Variants in PIEZO1 observed in about 807,000 individuals in gnomAD.
PIEZO1 encodes piezo type mechanosensitive ion channel component 1 (Er blood group).
Under a neutral mutation model 297.2 loss-of-function variants are expected in PIEZO1, and 296 were observed. The ratio of observed to expected loss-of-function variants is 1.00; its 90% CI spans 0.91 to 1.10. PIEZO1 has a LOEUF of 1.10. Ranked by LOEUF, PIEZO1 falls within the 50% of genes least tolerant of loss-of-function variation. The pLI, the probability that PIEZO1 is intolerant of heterozygous loss-of-function variation, is 0.00. For missense variants in PIEZO1, 5,018 were observed against 3,455.5 expected (o/e 1.45, Z -11.34); for synonymous variants, 2,427 against 1,507.5 (o/e 1.61, Z -14.13).
rs978666250 is a variant in PIEZO1, at chr16:88,725,968, G to A, written c.3969-284C>T. ...GGCCCCAAGCCAGAACCCCTCCCTG[G>A]GGCAGTCGTGACACCACACAGTGGC... On this transcript the variant is annotated intron_variant, in intron 27 of 50. Transcript: ENST00000301015. The A allele has an allele frequency of 5.3e-6, 3 of 566,680 alleles. No homozygotes were observed. In the African/African-American group the frequency reaches 5.6e-5, roughly 11 times the overall value. The allele number at this position is 566,680 out of a possible 1,614,324, so 35.1% of individuals were successfully genotyped here.
chr16:88,727,537 G>T lies in PIEZO1; in HGVS notation c.3301+20C>A. ...CTCTGAGGGTCCTCTGCAGAGGCGG[G>T]GGTGGTGGGGGGCACTCACTGATGA... On this transcript the variant is annotated intron_variant, in intron 23 of 50. Transcript: ENST00000301015. 1.0e-6 allele frequency: 1 copy of T among 987,302 alleles called. No homozygotes were observed. Among genetic ancestry groups the T allele is most frequent in the Non-Finnish European group, 1.5e-6 (1 of 654,968 alleles). The allele number at this position is 987,302 out of a possible 1,614,324, so 61.2% of individuals were successfully genotyped here. A position where few individuals can be genotyped will look rare whatever the true frequency, so the allele number is the denominator to read the frequency against.
At chr16:88,730,166 C>A (rs1025272643) in intron 22 of PIEZO1, among the ~76,000 whole-genome samples, 2 of 152,256 alleles carry the variant, frequency 1.3e-5, no homozygotes, top group African/African-American at 2.4e-5. Flanking sequence ...TAGCAACAGG[C>A]ACACCCAGCG....
Position 88,738,691 on chromosome 16 carries a change from GC to G in PIEZO1, c.510del (p.Gln171ArgfsTer35). 6.5e-7 allele frequency: 1 copy of G among 1,534,406 alleles called. No homozygotes were observed. Among genetic ancestry groups the G allele is most frequent in the Middle Eastern group, 1.7e-4 (1 of 5,986 alleles). Reference sequence around the variant, plus strand: ...GTAGGGGCCAGCGTTGCTGCTTCCTGCAGCCCTGCCGTCGGGCTGGCATCCA... The same window carrying G: ...GTAGGGGCCAGCGTTGCTGCTTCCTGAGCCCTGCCGTCGGGCTGGCATCCA... The part of the protein sequence containing the change: ...RDVDASPTAG[L>X]QEAATLAPTR... On this transcript the variant is annotated frameshift_variant, in exon 6 of 51. Coordinates refer to ENST00000301015, the MANE Select transcript of PIEZO1 (RefSeq NM_001142864.4). LOFTEE classifies it high-confidence loss of function.
At chr16:88,742,235 C>T in intron 3 of PIEZO1, 65 bp downstream of exon 3, 1 of 1,502,528 alleles carries the variant, frequency 6.7e-7, no homozygotes, top group Non-Finnish European at 8.9e-7. Flanking sequence ...GACTCGGGGT[C>T]ACTGCAGGGC....
At position 88,720,176 on chromosome 16, in the gene PIEZO1, G is replaced by A. The variant is rs767748268; in HGVS notation, c.6057C>T (p.Arg2019=). The A allele has an allele frequency of 1.5e-5, 24 of 1,550,406 alleles. No individual in the cohort carries two copies. Among genetic ancestry groups the A allele is most frequent in the African/African-American group, 1.4e-4 (10 of 73,060 alleles). The change falls in exon 42 of 51, where the codon CGC becomes CGT. Residue 2019 remains arginine (R), a synonymous_variant. Coordinates refer to ENST00000301015, the MANE Select transcript of PIEZO1 (RefSeq NM_001142864.4). ...GCACGGTCTTGCGCAGGTAGAGGGC[G>A]CGGTCAACCACCATGGTACTGAACT... ...LIQFSTMVVD[R]ALYLRKTVLG...
intron 1 of PIEZO1, among the ~76,000 whole-genome samples, chr16:88,768,926 G>A (rs1369047007): frequency 6.6e-6 from 1 of 152,218 alleles, no homozygotes; most frequent in South Asian, 2.1e-4. Context: ...ATGCACCTTG[G>A]CAAAGCAAGC....
intron 16 of PIEZO1, 109 bp from the exon 17 acceptor site, chr16:88,734,163 G>C (rs961476596): frequency 1.5e-6 from 2 of 1,358,424 alleles, no homozygotes; most frequent in East Asian, 2.5e-5. Context: ...GCCAGTTCAG[G>C]TGCACAGCTG....
chr16:88,750,155 T>C (rs1371673731), intron 1 of PIEZO1, among the ~76,000 whole-genome samples: 2 of 151,016 alleles, frequency 1.3e-5, no homozygotes, highest in African/African-American at 4.9e-5. Flanking sequence ...GCCAATATGG[T>C]GAATCCCTGT....
At position 88,731,905 on chromosome 16, in the gene PIEZO1, G is replaced by A. The variant is rs1567669859; in HGVS notation, c.2997C>T (p.Cys999=). Residue 999 remains cysteine, a synonymous_variant, in exon 22 of 51, where the codon TGC becomes TGT. Coordinates refer to ENST00000301015, the MANE Select transcript of PIEZO1 (RefSeq NM_001142864.4). ...FFFYKFGLEI[C]FLMAVNVIGQ... ...CGATCACGTTCACGGCCATCAGGAA[G>A]CAGATCTGGGGAGGGGAGAGGGCGG... 1.9e-6 allele frequency: 2 copies of A among 1,073,636 alleles called. No individual in the cohort carries two copies. Among genetic ancestry groups the A allele is most frequent in the Non-Finnish European group, 2.4e-6 (2 of 840,200 alleles). The allele number at this position is 1,073,636 out of a possible 1,614,324, so 66.5% of individuals were successfully genotyped here.
At chr16:88,725,329 G>A (rs1459310355) in intron 29 of PIEZO1, 87 bp downstream of exon 29, 14 of 877,008 alleles carry the variant, frequency 1.6e-5, no homozygotes, top group East Asian at 5.6e-5. Context: ...CCTGTGGGAC[G>A]TCACATGGGC....
At position 88,722,376 on chromosome 16, in the gene PIEZO1, T is replaced by A. The variant is rs757960969; in HGVS notation, c.4797A>T (p.Pro1599=). Residue 1599 remains proline (P), a synonymous_variant, in exon 36 of 51, where the codon CCA becomes CCT. Transcript: ENST00000301015. ...TVSSGLGAEE[P]LSSMTDDMGS... The stretch of plus-strand genomic sequence containing the variant: ...CCATGTCGTCTGTCATGCTGCTGAG[T>A]GGCTCCTCCGCGCCCAGCCCACTGG... 2.6e-5 allele frequency: 39 copies of A among 1,516,210 alleles called. No homozygotes were observed. Among genetic ancestry groups the A allele is most frequent in the Non-Finnish European group, 3.5e-5 (39 of 1,128,660 alleles). 93.9% of individuals were successfully genotyped at this position (1,516,210 alleles called of 1,614,324 possible).
intron 1 of PIEZO1, among the ~76,000 whole-genome samples, chr16:88,757,057 CAG>C (rs900304551): frequency 1.3e-5 from 2 of 152,124 alleles, no homozygotes; most frequent in African/African-American, 4.8e-5. Context: ...GCCTGGGCGA[CAG>C]AGCGAGACTC....
Position 88,715,618 on chromosome 16 carries a change from C to G in PIEZO1, c.7553G>C (p.Arg2518Pro), listed in dbSNP as rs774268616. Residue 2518 changes from arginine (R) to proline (P), a missense_variant, in exon 51 of 51, where the codon CGT becomes CCT. Physicochemically the swap from Arg to Pro is moderately radical, Grantham distance 103. Coordinates refer to ENST00000301015, the MANE Select transcript of PIEZO1 (RefSeq NM_001142864.4). ...CAGCAGCAGCTCCTACTCCTTCTCA[C>G]GAGTCCACTTGATCATGGTCTCCGG... ...RSPETMIKWT[R>P]EKE 60 of 1,549,824 alleles carry G rather than the reference C, an allele frequency of 3.9e-5. 1 individual carries two copies. The highest frequency in any genetic ancestry group is 3.1e-4 in the South Asian group (26 of 84,064).
intron 1 of PIEZO1, among the ~76,000 whole-genome samples, chr16:88,770,777 C>A (rs1027184948): frequency 1.3e-5 from 2 of 152,232 alleles, no homozygotes; most frequent in Admixed American, 1.3e-4. Flanking sequence ...CCGGGCCAGG[C>A]GTCCTCCACT....
rs1460256825 is a variant in PIEZO1 at position 88,717,450 on chromosome 16, GACA to G, written c.6472-242_6472-240del. 17 of 627,910 alleles carry G rather than the reference GACA, an allele frequency of 2.7e-5. No homozygotes were observed. In the Admixed American group the frequency reaches 3.0e-4, roughly 11 times the overall value. 38.9% of individuals were successfully genotyped at this position (627,910 alleles called of 1,614,324 possible). The stretch of plus-strand genomic sequence containing the variant: ...GAGCTGTGACCGTTCAGTGGGAACG[GACA>G]ACCTTTTTCAACACGGTGCAGGCAC... On this transcript the variant is annotated intron_variant, in intron 44 of 50. Coordinates refer to ENST00000301015, the MANE Select transcript of PIEZO1 (RefSeq NM_001142864.4).
At chr16:88,763,186 A>T (rs913714924) in intron 1 of PIEZO1, among the ~76,000 whole-genome samples, 33 of 152,148 alleles carry the variant, frequency 2.2e-4, no homozygotes, top group African/African-American at 8.0e-4. Context: ...TAGGGATGAG[A>T]CGCAGGGCCG....
At chr16:88,741,409 C>A (rs1461318859) in intron 5 of PIEZO1, 69 bp downstream of exon 5, 8 of 1,330,948 alleles carry the variant, frequency 6.0e-6, no homozygotes, top group Non-Finnish European at 7.1e-6. Flanking sequence ...TTAAAATAAC[C>A]CTCAAAATGG....
Position 88,717,076 on chromosome 16 carries a change from C to G in PIEZO1, c.6607G>C (p.Val2203Leu). The change falls in exon 45 of 51, where the codon GTT (valine) becomes CTT (leucine). Residue 2203 changes from valine to leucine, a missense_variant. Val to Leu is a conservative substitution (Grantham distance 32, BLOSUM62 1). Transcript: ENST00000301015. ...FMSLVRSVVG[V>L]VNQPIDVTVT... Reference sequence around the variant, plus strand: ...GTGACATCGATGGGCTGGTTGACAACCCCAACCACGGAGCGCACCAGCGAC... The same window carrying G: ...GTGACATCGATGGGCTGGTTGACAAGCCCAACCACGGAGCGCACCAGCGAC... The G allele has an allele frequency of 6.4e-7, 1 of 1,551,018 alleles. No individual in the cohort carries two copies. The highest frequency in any genetic ancestry group is 8.7e-7 in the Non-Finnish European group (1 of 1,147,040).
intron 1 of PIEZO1, among the ~76,000 whole-genome samples, chr16:88,754,537 G>A (rs1253723080): frequency 6.6e-6 from 1 of 151,822 alleles, no homozygotes; most frequent in African/African-American, 2.4e-5. Flanking sequence ...TGTGGTGATC[G>A]AGGAGGAGCT....
Sources: allele counts gnomAD v4.1 joint callset (sites outside exome capture counted in the v4.1 genomes callset), GRCh38; gene constraint gnomAD v4.1.1; transcripts MANE v1.5; gene names NCBI Gene and HGNC (gene_info 2026-07-23, HGNC 2026-07-21).